CAPZB: variants seen among roughly 807,000 people sequenced by gnomAD.
The protein encoded by CAPZB is capping actin protein of muscle Z-line subunit beta.
A neutral mutation model predicts 38.1 loss-of-function variants in CAPZB; 2 were observed. The ratio of observed to expected loss-of-function variants is 0.05; its 90% CI spans 0.02 to 0.17. The LOEUF is 0.17. Ranked by LOEUF, CAPZB falls within the 10% of genes least tolerant of loss-of-function variation. CAPZB has a pLI of 1.00. For missense variants in CAPZB, 161 were observed against 334.2 expected (o/e 0.48, Z 4.04); for synonymous variants, 107 against 127.4 (o/e 0.84, Z 1.08).
In CAPZB at chr1:19,398,439, A is replaced by C. The variant is rs544222048; in HGVS notation, c.94-12813T>G. On this transcript the variant is annotated intron_variant, in intron 2 of 8. Transcript: ENST00000264202. ...AAAATCCTCACGATCACAAGCTTCT[A>C]AACCTCCATGACCTACCATGATTCC... Among the ~76,000 whole-genome samples the C allele has an allele frequency of 6.6e-5, 10 of 152,310 alleles. No homozygotes were observed. The East Asian group carries it at 1.9e-3, about 29-fold the overall frequency.
At chr1:19,391,459 G>A (rs1170794048) in intron 2 of CAPZB, among the ~76,000 whole-genome samples, 3 of 145,136 alleles carry the variant, frequency 2.1e-5, no homozygotes, top group Non-Finnish European at 4.7e-5. Flanking sequence ...TGCGTACTTG[G>A]GTGCACTCAG....
At chr1:19,387,246 A>G (rs1018356266) in intron 2 of CAPZB, among the ~76,000 whole-genome samples, 6 of 152,220 alleles carry the variant, frequency 3.9e-5, no homozygotes, top group Admixed American at 6.5e-5. Flanking sequence ...AGATGAGTCC[A>G]AAGTCCCTAC....
intron 1 of CAPZB, among the ~76,000 whole-genome samples, chr1:19,455,979 T>C (rs2094531864): frequency 6.6e-6 from 1 of 152,232 alleles, no homozygotes; most frequent in Non-Finnish European, 1.5e-5. Flanking sequence ...AGTGGCACGA[T>C]CTCAGCTCTG....
At chr1:19,342,938 A>G in intron 8 of CAPZB, 4 of 911,088 alleles carry the variant, frequency 4.4e-6, no homozygotes, top group Non-Finnish European at 5.5e-6. Flanking sequence ...AGGGGGCCAC[A>G]GCTGAGGAGG....
intron 2 of CAPZB, among the ~76,000 whole-genome samples, chr1:19,405,040 C>T (rs531851045): frequency 1.3e-5 from 2 of 152,240 alleles, no homozygotes; most frequent in South Asian, 4.2e-4. Flanking sequence ...CCATATACTG[C>T]CACCTGCCGG....
chr1:19,438,230 G>A (rs1038395721), intron 1 of CAPZB, among the ~76,000 whole-genome samples: 3 of 152,124 alleles, frequency 2.0e-5, no homozygotes, highest in South Asian at 2.1e-4. Flanking sequence ...GGGAGTGCGC[G>A]ATCAGAGACG....
rs767798855 is a variant in CAPZB, at chr1:19,344,449, G to C, written c.655-15C>G. ...TTTTCCATGTCCTGGAAGGGAGGTCGGTCAGCGCAGTGGCAAAAGGTCAGG... is the reference window on the plus strand; with the variant it reads ...TTTTCCATGTCCTGGAAGGGAGGTCCGTCAGCGCAGTGGCAAAAGGTCAGG... On this transcript the variant is annotated splice_polypyrimidine_tract_variant and intron_variant, in intron 7 of 8. Transcript: ENST00000264202. 6.2e-7 allele frequency: 1 copy of C among 1,609,316 alleles called. No individual in the cohort carries two copies. The highest frequency in any genetic ancestry group is 2.2e-5 in the East Asian group (1 of 44,852).
At chr1:19,351,979 A>C (rs214336) in intron 6 of CAPZB, among the ~76,000 whole-genome samples, 112,143 of 152,050 alleles carry the variant, frequency 0.74, 41,691 homozygotes, top group African/African-American at 0.83. Flanking sequence ...AAAAACCCAG[A>C]CGCCCCTTGA....
At chr1:19,351,077 G>A (rs1242189712) in intron 6 of CAPZB, among the ~76,000 whole-genome samples, 1 of 151,828 alleles carries the variant, frequency 6.6e-6, no homozygotes, top group Non-Finnish European at 1.5e-5. Flanking sequence ...CTGCCTCCCG[G>A]GTTCAAGTGA....
chr1:19,344,031 A>G (rs575437514), intron 8 of CAPZB, among the ~76,000 whole-genome samples: 6 of 152,314 alleles, frequency 3.9e-5, no homozygotes, highest in South Asian at 2.1e-4. Flanking sequence ...CCCTAGGCCC[A>G]GGCTGGAGGG....
chr1:19,348,770 C>T (rs59478563), intron 6 of CAPZB, among the ~76,000 whole-genome samples: 2 of 46,206 alleles, frequency 4.3e-5, no homozygotes, highest in Admixed American at 1.8e-4. Context: ...GGGGGGGGGG[C>T]GGTCTAGGTG....
chr1:19,348,766 GGGGC>G lies in CAPZB; in HGVS notation c.589-3518_589-3515del, dbSNP rs1048093459. ...AACGGGTGGCATCTGACAAGGGGGG[GGGGC>G]GGTCTAGGTGAGGGCAACAGTCCAG... On this transcript the variant is annotated intron_variant, in intron 6 of 8. Transcript: ENST00000264202. 5.8e-4 allele frequency among the ~76,000 whole-genome samples: 78 copies of G among 135,384 alleles called. 4 individuals carry two copies. The highest frequency in any genetic ancestry group is 2.2e-3 in the African/African-American group (77 of 34,848). 88.8% of individuals were successfully genotyped at this position (135,384 alleles called of 152,430 possible). A position where few individuals can be genotyped will look rare whatever the true frequency, so the allele number is the denominator to read the frequency against.
chr1:19,364,451 T>C (rs2094071941), intron 4 of CAPZB, among the ~76,000 whole-genome samples: 2 of 152,218 alleles, frequency 1.3e-5, no homozygotes, highest in Admixed American at 6.5e-5. Flanking sequence ...CTCTCTGGAC[T>C]TGAGTGAAGA....
At chr1:19,355,925 G>T (rs1392845524) in intron 6 of CAPZB, among the ~76,000 whole-genome samples, 2 of 152,162 alleles carry the variant, frequency 1.3e-5, no homozygotes, top group East Asian at 3.9e-4. Context: ...AGCATCTAAG[G>T]TAGAAGGGCG....
rs972645936 is a variant in CAPZB at position 19,356,866 on chromosome 1, T to TA, written c.472-116_472-115insT. 1.4e-6 allele frequency: 1 copy of TA among 701,862 alleles called. No homozygotes were observed. Among genetic ancestry groups the TA allele is most frequent in the African/African-American group, 1.8e-5 (1 of 55,956 alleles). 43.5% of individuals were successfully genotyped at this position (701,862 alleles called of 1,614,324 possible). ...GGTCATTATCACAATATTACCTTTT[T>TA]TTTTTTTAAATTGGAGACAAAGTCT... is the stretch of plus-strand genomic sequence containing the variant. On this transcript the variant is annotated intron_variant, in intron 5 of 8. Transcript: ENST00000264202. This position sits in a 1 kb window ranked among gnomAD's most constrained non-coding sequence, Gnocchi z 4.3.
chr1:19,445,233 C>T (rs576340157), intron 1 of CAPZB, among the ~76,000 whole-genome samples: 16 of 152,184 alleles, frequency 1.1e-4, no homozygotes, highest in Admixed American at 3.9e-4. Context: ...GGGAATAAGA[C>T]TTATGTGACC....
chr1:19,474,391 A>G (rs2094599808), intron 1 of CAPZB, among the ~76,000 whole-genome samples: 1 of 152,124 alleles, frequency 6.6e-6, no homozygotes, highest in Non-Finnish European at 1.5e-5. Flanking sequence ...TGAGACATGA[A>G]GTGACTAGGT....
At chr1:19,340,634 C>T (rs1472921877) in intron 8 of CAPZB, among the ~76,000 whole-genome samples, 4 of 152,134 alleles carry the variant, frequency 2.6e-5, no homozygotes, top group Non-Finnish European at 5.9e-5. Flanking sequence ...GAGTTCAAGA[C>T]CAGCCTGGGC....
chr1:19,362,036 T>G (rs928667953), intron 4 of CAPZB, among the ~76,000 whole-genome samples: 2 of 152,252 alleles, frequency 1.3e-5, no homozygotes, highest in Middle Eastern at 3.4e-3. Context: ...CCCCTGCCCA[T>G]GCCTGATAAT....
Sources: gnomAD v4.1 joint callset for allele counts (sites outside exome capture counted in the v4.1 genomes callset) on GRCh38, gnomAD v4.1.1 for gene constraint, Gnocchi (gnomAD v3.1) non-coding constraint, MANE v1.5 for transcripts, NCBI Gene and HGNC (gene_info 2026-07-23, HGNC 2026-07-21) for gene names.